The following TANC2 variants were observed in gnomAD, a reference collection of about 807,000 sequenced individuals.
TANC2 encodes the protein protein TANC2.
TANC2 carries 26 observed loss-of-function variants against 210.5 expected under a neutral mutation model. The observed-to-expected ratio is 0.12, with a 90% CI of 0.09 to 0.17. The LOEUF (loss-of-function observed/expected upper bound fraction) is 0.17. Among genes scored for constraint, TANC2 ranks in the 10% least tolerant of loss-of-function variants. The probability of loss-of-function intolerance (pLI) is 1.00; values close to 1 mark genes in which losing one functional copy is unlikely to be tolerated. For missense variants in TANC2, 2,129 were observed against 2,608.9 expected (o/e 0.82, Z 4.01); for synonymous variants, 931 against 967.1 (o/e 0.96, Z 0.69).
At chr17:63,031,930 A>G (rs1287632751) in intron 2 of TANC2, among the ~76,000 whole-genome samples, 1 of 152,162 alleles carries the variant, frequency 6.6e-6, no homozygotes, top group Non-Finnish European at 1.5e-5. Context: ...CCAAGCCTAC[A>G]TAGCAGTTAG....
At chr17:63,128,250 G>C (rs915846666) in intron 4 of TANC2, among the ~76,000 whole-genome samples, 1 of 152,082 alleles carries the variant, frequency 6.6e-6, no homozygotes, top group Admixed American at 6.6e-5. Context: ...TAATTGGGTT[G>C]TTTCTAACAC....
intron 2 of TANC2, among the ~76,000 whole-genome samples, chr17:63,040,260 T>G (rs1006733551): frequency 2.6e-5 from 4 of 152,168 alleles, no homozygotes; most frequent in Non-Finnish European, 4.4e-5. Flanking sequence ...GAGCATAAAA[T>G]AAAGGAGAGG....
chr17:63,090,553 C>T (rs2037147750), intron 3 of TANC2, among the ~76,000 whole-genome samples: 1 of 152,156 alleles, frequency 6.6e-6, no homozygotes, highest in African/African-American at 2.4e-5. Flanking sequence ...TTTTTCATGG[C>T]TGCATAGTAT....
At chr17:63,123,641 T>C (rs1360960168) in intron 4 of TANC2, among the ~76,000 whole-genome samples, 2 of 150,438 alleles carry the variant, frequency 1.3e-5, no homozygotes, top group African/African-American at 4.9e-5. Context: ...TTGGAAGTTA[T>C]ACCCGTAGAG....
chr17:63,370,891 T>A (rs541455483), intron 14 of TANC2, among the ~76,000 whole-genome samples: 1 of 152,254 alleles, frequency 6.6e-6, no homozygotes, highest in South Asian at 2.1e-4. Context: ...ATAACCCCAC[T>A]TGAATGCGAG....
intron 9 of TANC2, among the ~76,000 whole-genome samples, chr17:63,307,772 T>TGTTGTTGTTGTTGTTG (rs5821385): frequency 4.0e-5 from 6 of 151,144 alleles, no homozygotes; most frequent in African/African-American, 1.5e-4. Context: ...TTGTTGTTGT[T>TGTTGTTGTTGTTGTTG]TTGTTGTTTT....
At chr17:63,055,833 T>C (rs900549520) in intron 2 of TANC2, among the ~76,000 whole-genome samples, 9 of 150,130 alleles carry the variant, frequency 6.0e-5, no homozygotes, top group African/African-American at 2.2e-4. Context: ...TCTATGAGGA[T>C]ACCACAACCA....
intron 11 of TANC2, chr17:63,331,880 G>GTGTGTGTGTGTGTGTT (rs2146719925): frequency 9.4e-6 from 2 of 212,620 alleles, no homozygotes; most frequent in Non-Finnish European, 1.8e-5. Flanking sequence ...GTGTGTGTGT[G>GTGTGTGTGTGTGTGTT]TGTGTGTGTG....
intron 2 of TANC2, among the ~76,000 whole-genome samples, chr17:63,066,325 C>G (rs1283881368): frequency 6.6e-6 from 1 of 152,056 alleles, no homozygotes; most frequent in Non-Finnish European, 1.5e-5. Context: ...TGAGATAGGT[C>G]TGGAGCCCTG....
At chr17:63,061,439 C>T (rs1256988446) in intron 2 of TANC2, among the ~76,000 whole-genome samples, 3 of 152,056 alleles carry the variant, frequency 2.0e-5, no homozygotes, top group African/African-American at 7.2e-5. Context: ...AATGATCCCC[C>T]CCTTTTTAAA....
chr17:63,013,212 A>G (rs2033951170), intron 2 of TANC2, among the ~76,000 whole-genome samples: 2 of 152,204 alleles, frequency 1.3e-5, no homozygotes, highest in Middle Eastern at 3.4e-3. Flanking sequence ...AGCTGGGCCT[A>G]CAAGTGGATG....
intron 17 of TANC2, among the ~76,000 whole-genome samples, chr17:63,392,731 A>G (rs1426369416): frequency 6.6e-6 from 1 of 152,244 alleles, no homozygotes; most frequent in Non-Finnish European, 1.5e-5. Flanking sequence ...GGTGATGGGT[A>G]TGCTAATTAC....
chr17:63,279,111 T>C (rs1047350261), intron 9 of TANC2, among the ~76,000 whole-genome samples: 2 of 152,050 alleles, frequency 1.3e-5, no homozygotes, highest in African/African-American at 4.8e-5. Flanking sequence ...TCTCCCCCTA[T>C]GGAAGAACAA....
chr17:62,967,159 T>C (rs746695208), intron 1 of TANC2: 1 of 152,190 alleles, frequency 6.6e-6, no homozygotes, highest in Non-Finnish European at 1.5e-5. Context: ...CTCTGTGGCG[T>C]TGAAATTCAT....
At chr17:62,982,568 A>G (rs752438204) in intron 1 of TANC2, among the ~76,000 whole-genome samples, 2 of 152,040 alleles carry the variant, frequency 1.3e-5, no homozygotes, top group Non-Finnish European at 2.9e-5. Context: ...TCCTCCCCAT[A>G]ATTTCAGTTT....
At chr17:63,382,744 T>G (rs2047652859) in intron 15 of TANC2, among the ~76,000 whole-genome samples, 2 of 152,378 alleles carry the variant, frequency 1.3e-5, no homozygotes, top group African/African-American at 4.8e-5. Flanking sequence ...TAGCACATGC[T>G]AACACCCCTA....
At chr17:63,179,061 T>C (rs1170047550) in intron 5 of TANC2, among the ~76,000 whole-genome samples, 2 of 152,224 alleles carry the variant, frequency 1.3e-5, no homozygotes, top group African/African-American at 4.8e-5. Context: ...AGTACCTGCT[T>C]TTTTACAGAA....
chr17:63,374,561 G>A (rs1203370660), intron 14 of TANC2, among the ~76,000 whole-genome samples: 1 of 152,074 alleles, frequency 6.6e-6, no homozygotes. Flanking sequence ...GTTTATCGGG[G>A]GGCACCAGGG....
At chr17:63,025,163 C>T (rs1045208922) in intron 2 of TANC2, among the ~76,000 whole-genome samples, 8 of 152,094 alleles carry the variant, frequency 5.3e-5, no homozygotes, top group Non-Finnish European at 1.0e-4. Context: ...TGGCTTTCCT[C>T]CTTATTAACT....
Sources: allele counts gnomAD v4.1 joint callset (sites outside exome capture counted in the v4.1 genomes callset), GRCh38; gene constraint gnomAD v4.1.1; transcripts MANE v1.5; gene names NCBI Gene and HGNC (gene_info 2026-07-23, HGNC 2026-07-21).